LRRC69: variants seen among roughly 807,000 people sequenced by gnomAD.
LRRC69 encodes the protein leucine rich repeat containing 69, also known as leucine-rich repeat-containing protein 69.
A neutral mutation model predicts 37.8 loss-of-function variants in LRRC69; 42 were observed. That is an observed-to-expected ratio of 1.11 (90% CI 0.87 to 1.44). The LOEUF is 1.44. Among genes scored for constraint, LRRC69 ranks in the 40% most tolerant of loss-of-function variants. LRRC69 has a pLI of 0.00. For missense variants in LRRC69, 357 were observed against 401.9 expected, an observed-to-expected ratio of 0.89 and a Z score of 0.96; for synonymous variants, 141 against 143.1, an observed-to-expected ratio of 0.99 and a Z score of 0.11.
At position 91,190,414 on chromosome 8, in the gene LRRC69, G is replaced by A. The variant is rs115580050; in HGVS notation, c.753+791G>A. Among the ~76,000 whole-genome samples the A allele has an allele frequency of 4.7e-3, 713 of 151,886 alleles. 5 individuals are homozygous for A. Among genetic ancestry groups the A allele is most frequent in the African/African-American group, 0.016 (681 of 41,412 alleles). On this transcript the variant is annotated intron_variant, in intron 6 of 7. Transcript: ENST00000448384. ...TACTACAAAAGTAATACAAGCTCCC[G>A]TAGAGAAATTAGGGCAAAAAAAAGC...
At chr8:91,198,805 C>T (rs1809664506) in intron 6 of LRRC69, among the ~76,000 whole-genome samples, 1 of 152,224 alleles carries the variant, frequency 6.6e-6, no homozygotes, top group East Asian at 1.9e-4. Flanking sequence ...CTGAATGCAT[C>T]TCTAAGAGAT....
chr8:91,118,191 T>A (rs1813547584), intron 1 of LRRC69: 2 of 455,330 alleles, frequency 4.4e-6, no homozygotes, highest in Non-Finnish European at 8.8e-6. Flanking sequence ...ATTCTGTATG[T>A]TGGTCTAGGT....
intron 5 of LRRC69, among the ~76,000 whole-genome samples, chr8:91,162,075 CTTG>C (rs1808955007): frequency 6.6e-6 from 1 of 151,310 alleles, no homozygotes; most frequent in African/African-American, 2.4e-5. Flanking sequence ...CACAGTTCCT[CTTG>C]TTATTGATTC....
chr8:91,187,034 A>G (rs992542764), intron 5 of LRRC69, among the ~76,000 whole-genome samples: 3 of 152,232 alleles, frequency 2.0e-5, no homozygotes, highest in Non-Finnish European at 4.4e-5. Context: ...ACCATTACTC[A>G]AGAAGGCAGT....
intron 5 of LRRC69, chr8:91,157,402 T>G: frequency 6.2e-7 from 1 of 1,607,920 alleles, no homozygotes; most frequent in Non-Finnish European, 8.5e-7. Context: ...GATGTATTAT[T>G]CTGCTGTGGA....
chr8:91,192,696 T>C lies in LRRC69; in HGVS notation c.753+3073T>C, dbSNP rs186935729. ...TTGCCGAATTTTTGATGGGGTTGTT[T>C]GTTTTTTTCTTGTAAATTTGTTTGA... On this transcript the variant is annotated intron_variant, in intron 6 of 7. Coordinates refer to ENST00000448384, the Ensembl canonical transcript of LRRC69. Among the ~76,000 whole-genome samples the C allele has an allele frequency of 5.4e-3, 821 of 152,322 alleles. 4 individuals carry two copies. The highest frequency in any genetic ancestry group is 9.8e-3 in the Non-Finnish European group (666 of 68,022).
chr8:91,124,573 C>T, exon 2 of LRRC69: 1 of 1,540,582 alleles, frequency 6.5e-7, no homozygotes, highest in South Asian at 1.2e-5. Flanking sequence ...TGAAGAATCT[C>T]CATTTATCTG....
At chr8:91,198,429 A>G (rs1446980367) in intron 6 of LRRC69, among the ~76,000 whole-genome samples, 1 of 152,200 alleles carries the variant, frequency 6.6e-6, no homozygotes, top group Non-Finnish European at 1.5e-5. Flanking sequence ...TCTTGATGCT[A>G]CGTTTTAGTG....
intron 1 of LRRC69, among the ~76,000 whole-genome samples, chr8:91,123,934 C>T (rs1174640057): frequency 1.3e-5 from 2 of 151,164 alleles, no homozygotes; most frequent in Non-Finnish European, 1.5e-5. Context: ...CTCATTATAC[C>T]ATTTCAATAG....
chr8:91,195,919 G>A (rs2130620509), intron 6 of LRRC69, among the ~76,000 whole-genome samples: 1 of 152,318 alleles, frequency 6.6e-6, no homozygotes, highest in South Asian at 2.1e-4. Context: ...CTCATTAGTT[G>A]ATGCAGTTTC....
At chr8:91,110,383 A>C (rs1813388889) in intron 1 of LRRC69, among the ~76,000 whole-genome samples, 1 of 152,082 alleles carries the variant, frequency 6.6e-6, no homozygotes, top group African/African-American at 2.4e-5. Context: ...TCACGCCTGT[A>C]ATCCAAGCAC....
chr8:91,157,932 A>T, intron 5 of LRRC69: 1 of 1,506,664 alleles, frequency 6.6e-7, no homozygotes, highest in Non-Finnish European at 9.2e-7. Flanking sequence ...TATCGGCAGT[A>T]TACTGATTGC....
intron 1 of LRRC69, among the ~76,000 whole-genome samples, chr8:91,110,955 A>G (rs1437131130): frequency 6.6e-6 from 1 of 151,998 alleles, no homozygotes; most frequent in Non-Finnish European, 1.5e-5. Context: ...GAAAATAAAA[A>G]CTGATGTGGA....
intron 5 of LRRC69, among the ~76,000 whole-genome samples, chr8:91,144,166 A>G (rs1808577335): frequency 6.6e-6 from 1 of 151,886 alleles, no homozygotes; most frequent in African/African-American, 2.4e-5. Flanking sequence ...CCTGCCCCTC[A>G]ATCCACCCCA....
rs1467565413 is a variant in LRRC69 at position 91,127,260 on chromosome 8, G to A, written c.383+100G>A. On this transcript the variant is annotated intron_variant, in intron 3 of 7. Coordinates refer to ENST00000448384, the Ensembl canonical transcript of LRRC69. ...TTATGCCTAGCATAAGTCCCTGTGA[G>A]ATTTATACATAGCAAAGAGGGATCT... The A allele has an allele frequency of 3.6e-6, 3 of 843,430 alleles. No homozygotes were observed. In the African/African-American group the frequency reaches 5.3e-5, roughly 15 times the overall value. The allele number at this position is 843,430 out of a possible 1,614,324, so 52.2% of individuals were successfully genotyped here. A position where few individuals can be genotyped will look rare whatever the true frequency, so the allele number is the denominator to read the frequency against.
chr8:91,204,781 G>A (rs1256810930), intron 7 of LRRC69, among the ~76,000 whole-genome samples: 1 of 152,320 alleles, frequency 6.6e-6, no homozygotes, highest in East Asian at 1.9e-4. Flanking sequence ...CTTAGGTTCA[G>A]AGATACATTA....
intron 7 of LRRC69, among the ~76,000 whole-genome samples, chr8:91,204,037 G>A (rs2130633559): frequency 6.6e-6 from 1 of 151,240 alleles, no homozygotes; most frequent in African/African-American, 2.4e-5. Context: ...CAGGAAAATG[G>A]TGTGAACCCA....
intron 3 of LRRC69, among the ~76,000 whole-genome samples, chr8:91,131,186 G>T (rs1030897019): frequency 1.3e-5 from 2 of 150,796 alleles, no homozygotes; most frequent in African/African-American, 4.9e-5. Context: ...TAATAGTTTG[G>T]CTATTCTAGG....
At chr8:91,178,082 T>C (rs1809265958) in intron 5 of LRRC69, among the ~76,000 whole-genome samples, 1 of 152,156 alleles carries the variant, frequency 6.6e-6, no homozygotes, top group Non-Finnish European at 1.5e-5. Flanking sequence ...TCTCCTGACC[T>C]TGTGATCCGC....
Sources: allele counts gnomAD v4.1 joint callset (sites outside exome capture counted in the v4.1 genomes callset), GRCh38; gene constraint gnomAD v4.1.1; transcripts MANE v1.5; gene names NCBI Gene and HGNC (gene_info 2026-07-23, HGNC 2026-07-21).